The following AASS variants were observed in gnomAD, a reference collection of about 807,000 sequenced individuals.
AASS encodes the protein alpha-aminoadipic semialdehyde synthase, mitochondrial.
AASS carries 86 observed loss-of-function variants against 105.4 expected under a neutral mutation model. The observed-to-expected ratio is 0.82, with a 90% CI of 0.69 to 0.98. AASS has a LOEUF of 0.98. AASS is among the 50% of genes least tolerant of loss of function. The probability of loss-of-function intolerance (pLI) is 0.00; values close to 1 mark genes in which losing one functional copy is unlikely to be tolerated. For missense variants in AASS, 1,048 were observed against 1,143.2 expected (o/e 0.92, Z 1.20); for synonymous variants, 381 against 394.8 (o/e 0.96, Z 0.41).
chr7:122,122,126 G>C lies in AASS; in HGVS notation c.473-3496C>G, dbSNP rs142757981. 3.3e-5 allele frequency among the ~76,000 whole-genome samples: 5 copies of C among 152,076 alleles called. No individual in the cohort carries two copies. In the East Asian group the frequency reaches 7.7e-4, roughly 24 times the overall value. ...ATTTTTTAGCAAGACAATTATGATG[G>C]TTCTACTGTCATTTTCTTTGTGATT... On this transcript the variant is annotated intron_variant, in intron 4 of 23. Transcript: ENST00000417368.
intron 19 of AASS, among the ~76,000 whole-genome samples, chr7:122,082,137 T>C (rs1023153932): frequency 1.3e-5 from 2 of 151,922 alleles, no homozygotes; most frequent in Non-Finnish European, 2.9e-5. Flanking sequence ...GAAAAAGAGG[T>C]AGGAATCAGA....
chr7:122,142,563 T>C (rs1296457206), intron 1 of AASS, among the ~76,000 whole-genome samples: 1 of 152,196 alleles, frequency 6.6e-6, no homozygotes, highest in Non-Finnish European at 1.5e-5. Context: ...ACAATTTTTT[T>C]ACACATTTTA....
chr7:122,115,067 T>A lies in AASS; in HGVS notation c.1043+7A>T, dbSNP rs1173010950. On this transcript the variant is annotated splice_region_variant and intron_variant, in intron 9 of 23. Transcript: ENST00000417368. ...AACTACTATCGTTGCTGAAGTAGAG[T>A]CCTTACTTGTGTGGTAATGCAGGGC... The A allele has an allele frequency of 1.2e-6, 2 of 1,613,908 alleles. No individual in the cohort carries two copies. Among genetic ancestry groups the A allele is most frequent in the Non-Finnish European group, 1.7e-6 (2 of 1,179,984 alleles).
At chr7:122,110,363 C>T (rs1794874209) in intron 11 of AASS, among the ~76,000 whole-genome samples, 1 of 151,326 alleles carries the variant, frequency 6.6e-6, no homozygotes. Context: ...ATAAAGTTTA[C>T]AACTTAGATG....
chr7:122,141,137 C>T (rs542668061), intron 1 of AASS, among the ~76,000 whole-genome samples: 3 of 152,324 alleles, frequency 2.0e-5, no homozygotes, highest in African/African-American at 7.2e-5. Flanking sequence ...ACTGGTCATA[C>T]TTTGACTTCC....
rs767460043 is a variant in AASS at position 122,129,443 on chromosome 7, G to A, written c.305C>T (p.Ser102Phe). Residue 102 changes from serine (S) to phenylalanine (F), a missense_variant, in exon 3 of 24, where the codon TCC (serine) becomes TTC (phenylalanine). Ser to Phe is a radical substitution (Grantham distance 155, BLOSUM62 -2). Transcript: ENST00000417368. Reference protein sequence around the residue: ...VKRPPEEKLMSRKTYAFFSHT... With the variant: ...VKRPPEEKLMFRKTYAFFSHT... ...GGAGAAAAATGCATAAGTCTTCCTG[G>A]ACATTAATTTTTCCTCTGGAGGTCT... 1.9e-6 allele frequency: 3 copies of A among 1,613,348 alleles called. No individual in the cohort carries two copies. The highest frequency in any genetic ancestry group is 1.1e-5 in the South Asian group (1 of 91,028).
intron 2 of AASS, among the ~76,000 whole-genome samples, chr7:122,130,498 T>C (rs1477740195): frequency 6.6e-6 from 1 of 151,994 alleles, no homozygotes; most frequent in Non-Finnish European, 1.5e-5. Flanking sequence ...GCATGAATTA[T>C]CTCATTTAAA....
At chr7:122,114,934 T>C (rs1795097920) in intron 9 of AASS, 140 bp downstream of exon 9, 1 of 1,093,222 alleles carries the variant, frequency 9.1e-7, no homozygotes, top group Non-Finnish European at 1.4e-6. Context: ...TTAACAGTGT[T>C]GAGTACTGCC....
intron 21 of AASS, 77 bp from the exon 22 acceptor site, chr7:122,079,027 T>C: frequency 6.2e-7 from 1 of 1,611,608 alleles, no homozygotes; most frequent in Non-Finnish European, 8.5e-7. Flanking sequence ...GGGAGCTCCT[T>C]GAATTTAATC....
At chr7:122,091,939 G>T in intron 17 of AASS, 96 bp from the exon 18 acceptor site, 2 of 908,136 alleles carry the variant, frequency 2.2e-6, no homozygotes, top group South Asian at 1.5e-5. Context: ...GAGTAAACTT[G>T]CTACAGTTTT....
rs1792910983 is a variant in AASS, at chr7:122,074,489, T to C, written c.*2000A>G. Among the ~76,000 whole-genome samples the C allele has an allele frequency of 6.6e-6, 1 of 152,100 alleles. No individual in the cohort carries two copies. Among genetic ancestry groups the C allele is most frequent in the Non-Finnish European group, 1.5e-5 (1 of 68,032 alleles). ...AACACAAATGGTTTTAATTTTAATT[T>C]ACCTATTTTCTTCTTTTGTTGCTTG... On this transcript the variant is annotated 3_prime_UTR_variant, in exon 24 of 24. Transcript: ENST00000417368.
intron 23 of AASS, among the ~76,000 whole-genome samples, chr7:122,077,428 GGC>G (rs2150505905): frequency 6.6e-6 from 1 of 152,168 alleles, no homozygotes; most frequent in African/African-American, 2.4e-5. Context: ...CTCCCAACAT[GGC>G]AAAAACCAAA....
intron 4 of AASS, among the ~76,000 whole-genome samples, chr7:122,121,196 T>C (rs1190210536): frequency 6.6e-6 from 1 of 152,130 alleles, no homozygotes; most frequent in East Asian, 1.9e-4. Context: ...TAGGTTACCA[T>C]ATGCATCTTT....
intron 3 of AASS, among the ~76,000 whole-genome samples, chr7:122,128,512 A>G (rs1399224878): frequency 1.3e-5 from 2 of 152,008 alleles, no homozygotes; most frequent in African/African-American, 2.4e-5. Flanking sequence ...TTCTCCTTCA[A>G]TATTATATTT....
intron 11 of AASS, among the ~76,000 whole-genome samples, chr7:122,104,033 G>A (rs1414274720): frequency 6.6e-6 from 1 of 151,792 alleles, no homozygotes; most frequent in African/African-American, 2.4e-5. Context: ...ATAAACAGGA[G>A]AGGAAAAAAA....
At chr7:122,137,044 TACTTTC>T (rs1379700713) in intron 1 of AASS, among the ~76,000 whole-genome samples, 1 of 152,224 alleles carries the variant, frequency 6.6e-6, no homozygotes, top group Non-Finnish European at 1.5e-5. Flanking sequence ...TTTGGGAAGC[TACTTTC>T]ACTTTCACTT....
intron 11 of AASS, among the ~76,000 whole-genome samples, chr7:122,109,929 C>T (rs1225697767): frequency 6.6e-6 from 1 of 151,884 alleles, no homozygotes; most frequent in East Asian, 1.9e-4. Context: ...GGAAGTAATA[C>T]TCAGAATATA....
Position 122,144,204 on chromosome 7 carries a change from T to C in AASS, c.-59A>G, listed in dbSNP as rs900058881. ...CCGACTTGTCCCCCGCCGCCTCGAA[T>C]CTTCCGAGTCGCTGCAGGGGAGGCT... On this transcript the variant is annotated 5_prime_UTR_variant, in exon 1 of 24. Coordinates refer to ENST00000417368, the MANE Select transcript of AASS (RefSeq NM_005763.4). 4 of 152,430 alleles carry C rather than the reference T, an allele frequency of 2.6e-5. No individual in the cohort carries two copies. Among genetic ancestry groups the C allele is most frequent in the Non-Finnish European group, 5.9e-5 (4 of 68,220 alleles). 9.4% of individuals were successfully genotyped at this position (152,430 alleles called of 1,614,324 possible). A position where few individuals can be genotyped will look rare whatever the true frequency, so the allele number is the denominator to read the frequency against.
chr7:122,076,433 C>T lies in AASS; in HGVS notation c.*56G>A. The T allele has an allele frequency of 5.2e-6, 6 of 1,151,668 alleles. No individual in the cohort carries two copies. Among genetic ancestry groups the T allele is most frequent in the Non-Finnish European group, 7.9e-6 (6 of 758,648 alleles). 71.3% of individuals were successfully genotyped at this position (1,151,668 alleles called of 1,614,324 possible). On this transcript the variant is annotated 3_prime_UTR_variant, in exon 24 of 24. Coordinates refer to ENST00000417368, the MANE Select transcript of AASS (RefSeq NM_005763.4). ...AGCACATTAGCAAACCCATTTATCA[C>T]ACACATGTTCAGAGGTGTATTGCCT...
Sources: gnomAD v4.1 joint callset for allele counts (sites outside exome capture counted in the v4.1 genomes callset) on GRCh38, gnomAD v4.1.1 for gene constraint, MANE v1.5 for transcripts, NCBI Gene and HGNC (gene_info 2026-07-23, HGNC 2026-07-21) for gene names.